The following CLYBL variants were observed in gnomAD, a reference collection of about 807,000 sequenced individuals.
CLYBL encodes citramalyl-CoA lyase, mitochondrial.
A neutral mutation model predicts 38.9 loss-of-function variants in CLYBL; 31 were observed. The observed-to-expected ratio is 0.80, with a 90% CI of 0.60 to 1.08. The LOEUF (loss-of-function observed/expected upper bound fraction) is 1.08, where lower values mean the gene tolerates loss of function less well. Among genes scored for constraint, CLYBL ranks in the 50% least tolerant of loss-of-function variants. The probability of loss-of-function intolerance (pLI) is 0.00; values close to 1 mark genes in which losing one functional copy is unlikely to be tolerated. For synonymous variants in CLYBL, 171 were observed against 158.6 expected (o/e 1.08, Z -0.59); for missense variants, 434 against 411.6 (o/e 1.05, Z -0.47).
At chr13:99,680,697 C>A (rs1762447717) in intron 1 of CLYBL, among the ~76,000 whole-genome samples, 1 of 152,210 alleles carries the variant, frequency 6.6e-6, no homozygotes, top group African/African-American at 2.4e-5. Flanking sequence ...TTCCCTGATG[C>A]TGTTGCCATG....
intron 1 of CLYBL, among the ~76,000 whole-genome samples, chr13:99,771,811 C>A (rs2049401811): frequency 6.6e-6 from 1 of 152,204 alleles, no homozygotes; most frequent in South Asian, 2.1e-4. Flanking sequence ...TCCTGCTACA[C>A]CCACGACCAT....
At chr13:99,606,935 G>C (rs541250428) in intron 1 of CLYBL, among the ~76,000 whole-genome samples, 178 bp downstream of exon 1, 1 of 152,296 alleles carries the variant, frequency 6.6e-6, no homozygotes, top group Non-Finnish European at 1.5e-5. Context: ...TGCCGCCCGC[G>C]CCTCCCTTTG....
chr13:99,843,966 T>C (rs1018739173), intron 2 of CLYBL, among the ~76,000 whole-genome samples: 3 of 152,224 alleles, frequency 2.0e-5, no homozygotes, highest in Non-Finnish European at 2.9e-5. Flanking sequence ...TGGAAGTCAT[T>C]ACAAATGATT....
At chr13:99,741,779 G>A (rs2048761102) in intron 1 of CLYBL, among the ~76,000 whole-genome samples, 1 of 152,202 alleles carries the variant, frequency 6.6e-6, no homozygotes, top group Non-Finnish European at 1.5e-5. Context: ...GCCCAGCCAA[G>A]CATATGTAGT....
chr13:99,772,993 G>A lies in CLYBL; in HGVS notation c.232G>A (p.Val78Met). 1 of 1,609,060 alleles carries A rather than the reference G, an allele frequency of 6.2e-7. No individual in the cohort carries two copies. The highest frequency in any genetic ancestry group is 2.2e-5 in the East Asian group (1 of 44,826). The change falls in exon 2 of 9, where the codon GTG becomes ATG. Residue 78 changes from valine to methionine, a missense_variant. By Grantham distance (21) the Val-to-Met change is conservative. Coordinates refer to ENST00000339105, the MANE Select transcript of CLYBL (RefSeq NM_206808.5). ...TGCAGTGCTCGACTGTGAGGATGGA[G>A]TGGCTGCAAACAAAAAGGTAATGGC... Reference protein sequence around the residue: ...DCAVLDCEDGVAANKKNEARL... With the variant: ...DCAVLDCEDGMAANKKNEARL...
rs182982399 is a variant in CLYBL, at chr13:99,849,793, G to C, written c.250-9068G>C. ...GGGGAAGGTGACGGATAGGGCTATG[G>C]CAGCAGAGAGCCAGCACCAGCCAGT... is the stretch of plus-strand genomic sequence containing the variant. On this transcript the variant is annotated intron_variant, in intron 2 of 8. Transcript: ENST00000339105. The surrounding 1 kb of genome is among the most constrained non-coding windows in gnomAD (Gnocchi z 4.9). Among the ~76,000 whole-genome samples the C allele has an allele frequency of 9.8e-5, 15 of 152,322 alleles. No homozygotes were observed. Among genetic ancestry groups the C allele is most frequent in the Admixed American group, 6.5e-4 (10 of 15,298 alleles).
At chr13:99,820,454 C>G (rs2050566696) in intron 2 of CLYBL, among the ~76,000 whole-genome samples, 1 of 152,116 alleles carries the variant, frequency 6.6e-6, no homozygotes, top group Non-Finnish European at 1.5e-5. Context: ...CTTCCATATA[C>G]TCTGTTTGCC....
chr13:99,733,143 C>T (rs2048617521), intron 1 of CLYBL, among the ~76,000 whole-genome samples: 1 of 152,042 alleles, frequency 6.6e-6, no homozygotes, highest in South Asian at 2.1e-4. Context: ...AGTTATTTGT[C>T]TTTGTTTTTC....
intron 1 of CLYBL, among the ~76,000 whole-genome samples, chr13:99,625,173 C>T (rs1018171777): frequency 6.6e-6 from 1 of 152,204 alleles, no homozygotes; most frequent in African/African-American, 2.4e-5. Context: ...TGCTGTCCAT[C>T]GGGCTGTAAG....
intron 9 of CLYBL, among the ~76,000 whole-genome samples, chr13:99,906,382 G>A (rs1031326996): frequency 6.6e-6 from 1 of 151,900 alleles, no homozygotes; most frequent in African/African-American, 2.4e-5. Context: ...AAGTGTGAGT[G>A]AAAATCAGAA....
intron 1 of CLYBL, among the ~76,000 whole-genome samples, chr13:99,715,126 G>T (rs2048292622): frequency 6.6e-6 from 1 of 152,130 alleles, no homozygotes; most frequent in Admixed American, 6.6e-5. Context: ...CTGTTTTTCA[G>T]AGAGGTATCC....
chr13:99,801,704 C>T (rs1029405101), intron 2 of CLYBL, among the ~76,000 whole-genome samples: 1 of 152,134 alleles, frequency 6.6e-6, no homozygotes, highest in Non-Finnish European at 1.5e-5. Context: ...GGTAATGTGA[C>T]AGTTGATAGA....
downstream of CLYBL, among the ~76,000 whole-genome samples, chr13:99,901,436 A>G (rs1169325931): frequency 1.3e-5 from 2 of 152,062 alleles, no homozygotes; most frequent in Non-Finnish European, 2.9e-5. Flanking sequence ...ACATTCCGCA[A>G]TCCTTCCTCG....
intron 1 of CLYBL, among the ~76,000 whole-genome samples, chr13:99,674,119 GT>G (rs200114218): frequency 2.1e-5 from 2 of 97,346 alleles, no homozygotes; most frequent in African/African-American, 4.2e-5. Context: ...ACTAGAATTC[GT>G]TTTTTTTTAG....
intron 2 of CLYBL, among the ~76,000 whole-genome samples, chr13:99,833,033 T>G (rs869276868): frequency 2.9e-5 from 1 of 34,774 alleles, no homozygotes; most frequent in Non-Finnish European, 5.4e-5. Flanking sequence ...TATATATATT[T>G]TTTTTTTTTT....
At chr13:99,713,905 C>A (rs990458680) in intron 1 of CLYBL, among the ~76,000 whole-genome samples, 5 of 152,070 alleles carry the variant, frequency 3.3e-5, no homozygotes, top group African/African-American at 1.2e-4. Context: ...CCAGGTTGGT[C>A]TCAAACTCCT....
chr13:99,625,985 C>T (rs568500715), intron 1 of CLYBL, among the ~76,000 whole-genome samples: 20 of 152,330 alleles, frequency 1.3e-4, no homozygotes, highest in Admixed American at 5.9e-4. Context: ...TGGCTGGCTG[C>T]GTGGAAGAGG....
rs760883612 is a variant in CLYBL at position 99,870,977 on chromosome 13, A to G, written c.842A>G (p.Gln281Arg). The change falls in exon 7 of 9, where the codon CAG (glutamine) becomes CGG (arginine). Residue 281 changes from glutamine to arginine, a missense_variant. Physicochemically the swap from Gln to Arg is conservative, Grantham distance 43. Coordinates refer to ENST00000339105, the MANE Select transcript of CLYBL (RefSeq NM_206808.5). Reference protein sequence around the residue: ...VIHPNQIAVVQEQFSPSPEKI... With the variant: ...VIHPNQIAVVREQFSPSPEKI... ...CACCCTAACCAAATTGCCGTGGTCC[A>G]GGAGCAGTTTTCTCCTTCCCCTGAA... 7 of 1,613,830 alleles carry G rather than the reference A, an allele frequency of 4.3e-6. No individual in the cohort carries two copies. The highest frequency in any genetic ancestry group is 5.1e-6 in the Non-Finnish European group (6 of 1,179,856).
At chr13:99,628,120 T>A (rs2046894893) in intron 1 of CLYBL, among the ~76,000 whole-genome samples, 2 of 152,224 alleles carry the variant, frequency 1.3e-5, no homozygotes, top group Admixed American at 6.5e-5. Context: ...AATCTTTGTG[T>A]TGTGAGCCTG....
Sources: gnomAD v4.1 joint callset for allele counts (sites outside exome capture counted in the v4.1 genomes callset) on GRCh38, gnomAD v4.1.1 for gene constraint, Gnocchi (gnomAD v3.1) non-coding constraint, MANE v1.5 for transcripts, NCBI Gene and HGNC (gene_info 2026-07-23, HGNC 2026-07-21) for gene names.